Variants in ATP11B observed in about 807,000 individuals in gnomAD.
ATP11B encodes the protein phospholipid-transporting ATPase IF.
ATP11B carries 81 observed loss-of-function variants against 157.8 expected under a neutral mutation model. That is an observed-to-expected ratio of 0.51 (90% CI 0.43 to 0.62). The LOEUF is 0.62. Ranked by LOEUF, ATP11B falls within the 20% of genes least tolerant of loss-of-function variation. The pLI, the probability that ATP11B is intolerant of heterozygous loss-of-function variation, is 0.00. For missense variants in ATP11B, 1,165 were observed against 1,402.2 expected (o/e 0.83, Z 2.70); for synonymous variants, 451 against 469.4 (o/e 0.96, Z 0.51).
intron 29 of ATP11B, chr3:182,914,827 A>ACC (rs2108598643): frequency 1.0e-6 from 1 of 985,394 alleles, no homozygotes; most frequent in South Asian, 4.7e-5. Flanking sequence ...GTTAGGGGGT[A>ACC]GAAAGAGCTT....
chr3:182,867,400 T>G lies in ATP11B; in HGVS notation c.1644T>G (p.Asn548Lys). The change falls in exon 15 of 30, where the codon AAT becomes AAG. Residue 548 changes from asparagine to lysine, a missense_variant. Asn to Lys is a moderately conservative substitution (Grantham distance 94, BLOSUM62 0). Transcript: ENST00000323116. ...AARIGIVFIG[N>K]SEETMEVKTL... is the part of the protein sequence containing the mutation. Reference sequence around the variant, plus strand: ...GGATTGGTATTGTGTTTATTGGCAATTCTGAAGAAACTATGGAGGTTAAAA... The same window carrying G: ...GGATTGGTATTGTGTTTATTGGCAAGTCTGAAGAAACTATGGAGGTTAAAA... 1.2e-6 allele frequency: 2 copies of G among 1,611,110 alleles called. No individual in the cohort carries two copies. Among genetic ancestry groups the G allele is most frequent in the East Asian group, 2.2e-5 (1 of 44,810 alleles).
chr3:182,844,955 A>G (rs1027632791), intron 8 of ATP11B, among the ~76,000 whole-genome samples: 2 of 149,474 alleles, frequency 1.3e-5, no homozygotes, highest in Non-Finnish European at 3.0e-5. Context: ...TGTTACAGTA[A>G]CTAACATCAT....
At chr3:182,853,119 AT>A in intron 10 of ATP11B, among the ~76,000 whole-genome samples, 1 of 152,344 alleles carries the variant, frequency 6.6e-6, no homozygotes, top group South Asian at 2.1e-4. Context: ...AAGACACATG[AT>A]TTTTCATGTA....
At chr3:182,876,708 A>G (rs1353187928) in intron 19 of ATP11B, among the ~76,000 whole-genome samples, 1 of 152,200 alleles carries the variant, frequency 6.6e-6, no homozygotes, top group South Asian at 2.1e-4. Flanking sequence ...AGAGAGGGCA[A>G]ATCTCTGAAG....
intron 28 of ATP11B, among the ~76,000 whole-genome samples, chr3:182,904,912 AGGATTAATTC>A: frequency 8.9e-6 from 1 of 112,794 alleles, no homozygotes. Flanking sequence ...AAAAAAAAAA[AGGATTAATTC>A]AAAACTTATT....
rs150411982 is a variant in ATP11B, at chr3:182,863,616, A to G, written c.1201-1840A>G. 2.6e-3 allele frequency among the ~76,000 whole-genome samples: 396 copies of G among 151,872 alleles called. 4 individuals are homozygous for G. Among genetic ancestry groups the G allele is most frequent in the African/African-American group, 9.0e-3 (372 of 41,438 alleles). On this transcript the variant is annotated intron_variant, in intron 12 of 29. Transcript: ENST00000323116. ...ATTTCATATTCTTCTGTGCTCTTTC[A>G]TTTCCATATTATCCAAAAAACAACT...
chr3:182,915,120 G>C, intron 29 of ATP11B: 1 of 984,710 alleles, frequency 1.0e-6, no homozygotes, highest in Non-Finnish European at 1.2e-6. Flanking sequence ...AAAATGATGA[G>C]TATGATATCA....
chr3:182,846,538 A>G (rs1306379613), intron 9 of ATP11B, among the ~76,000 whole-genome samples: 2 of 152,248 alleles, frequency 1.3e-5, no homozygotes, highest in African/African-American at 4.8e-5. Context: ...TCATAGCAGC[A>G]CTATTCATGA....
chr3:182,914,299 TTG>T (rs1725000557), intron 29 of ATP11B: 2 of 1,041,130 alleles, frequency 1.9e-6, no homozygotes, highest in Non-Finnish European at 2.3e-6. Context: ...CTTTTATGGT[TTG>T]TATAACTTTC....
intron 12 of ATP11B, among the ~76,000 whole-genome samples, chr3:182,864,157 T>A (rs1181123867): frequency 5.9e-5 from 9 of 152,152 alleles, no homozygotes; most frequent in Admixed American, 1.3e-4. Flanking sequence ...CTATTTTTTT[T>A]AGTCAGTTTT....
Position 182,869,169 on chromosome 3 carries a change from T to A in ATP11B, c.1762+18T>A. The A allele has an allele frequency of 6.2e-7, 1 of 1,603,396 alleles. No individual in the cohort carries two copies. On this transcript the variant is annotated intron_variant, in intron 16 of 29. Coordinates refer to ENST00000323116, the MANE Select transcript of ATP11B (RefSeq NM_014616.3). ...ACCTTCAGGTAACCAATCTAAACTT[T>A]CATGAATTTTTATTTATGTAATATT...
At chr3:182,822,033 G>T (rs1177666826) in intron 2 of ATP11B, among the ~76,000 whole-genome samples, 1 of 151,808 alleles carries the variant, frequency 6.6e-6, no homozygotes, top group Non-Finnish European at 1.5e-5. Context: ...TTGGATGATG[G>T]TTCTAAAGCA....
At chr3:182,877,972 C>T (rs1722162123) in intron 19 of ATP11B, among the ~76,000 whole-genome samples, 2 of 152,220 alleles carry the variant, frequency 1.3e-5, no homozygotes, top group African/African-American at 4.8e-5. Context: ...CCACTCTTGA[C>T]TGCTAGCATT....
intron 3 of ATP11B, among the ~76,000 whole-genome samples, chr3:182,828,594 T>A (rs1410484307): frequency 5.9e-5 from 9 of 152,038 alleles, no homozygotes; most frequent in Non-Finnish European, 1.3e-4. Context: ...AGTAAACTTT[T>A]CTTTGGCTTT....
chr3:182,850,242 G>A (rs933512750), intron 10 of ATP11B, among the ~76,000 whole-genome samples: 1 of 152,198 alleles, frequency 6.6e-6, no homozygotes, highest in African/African-American at 2.4e-5. Flanking sequence ...GGAGACCAAG[G>A]CAGGAGGATC....
chr3:182,844,922 C>T (rs1719349733), intron 8 of ATP11B, among the ~76,000 whole-genome samples: 2 of 148,468 alleles, frequency 1.3e-5, no homozygotes, highest in African/African-American at 4.9e-5. Context: ...TTCTGAGCCA[C>T]TAATCTTAAA....
intron 29 of ATP11B, chr3:182,915,090 G>A: frequency 1.0e-6 from 1 of 985,224 alleles, no homozygotes; most frequent in African/African-American, 1.7e-5. Flanking sequence ...TTTATTATTT[G>A]GTTAGCTTTG....
intron 3 of ATP11B, 48 bp downstream of exon 3, chr3:182,828,257 A>G (rs368395253): frequency 2.0e-5 from 19 of 943,530 alleles, no homozygotes; most frequent in African/African-American, 5.1e-5. Context: ...GTTTCTAAAA[A>G]TATGTCTTGG....
At chr3:182,871,850 C>G (rs1721681656) in intron 17 of ATP11B, among the ~76,000 whole-genome samples, 1 of 151,352 alleles carries the variant, frequency 6.6e-6, no homozygotes, top group Non-Finnish European at 1.5e-5. Flanking sequence ...GAGTCTCGCT[C>G]TTTCGCCCAG....
Sources: gnomAD v4.1 joint callset for allele counts (sites outside exome capture counted in the v4.1 genomes callset) on GRCh38, gnomAD v4.1.1 for gene constraint, MANE v1.5 for transcripts, NCBI Gene and HGNC (gene_info 2026-07-23, HGNC 2026-07-21) for gene names.